SEMA4D: variants seen among roughly 807,000 people sequenced by gnomAD.
SEMA4D encodes semaphorin-4D.
SEMA4D carries 22 observed loss-of-function variants against 74.8 expected under a neutral mutation model. That is an observed-to-expected ratio of 0.29 (90% confidence interval 0.21 to 0.42). The LOEUF is 0.42. SEMA4D is among the 10% of genes least tolerant of loss of function. SEMA4D has a pLI of 1.00. For synonymous variants in SEMA4D, 445 were observed against 463.7 expected (o/e 0.96, Z 0.52); for missense variants, 937 against 1,118.4 (o/e 0.84, Z 2.31).
chr9:89,362,479 C>T lies in SEMA4D; in HGVS notation c.2191-51G>A, dbSNP rs371729869. The stretch of plus-strand genomic sequence containing the variant: ...TCCTTGGTGGAACGGATGGGCCTTT[C>T]CTGCTCTGCAGCCCAGTCTGTCTCA... On this transcript the variant is annotated intron_variant, in intron 18 of 18. Coordinates refer to the SEMA4D transcript ENST00000339861. The T allele has an allele frequency of 2.1e-4, 340 of 1,613,912 alleles. No homozygotes were observed. The African/African-American group carries it at 4.1e-3, about 19-fold the overall frequency.
chr9:89,393,513 C>T (rs778100807), intron 7 of SEMA4D, 49 bp downstream of exon 7: 3 of 1,434,576 alleles, frequency 2.1e-6, no homozygotes, highest in African/African-American at 1.4e-5. Context: ...TGGTAATTAA[C>T]ATGCCACTGT....
intron 9 of SEMA4D, 90 bp from the exon 10 acceptor site, chr9:89,389,137 GCACAGCGCGGCTGTGCCT>G: frequency 7.3e-7 from 1 of 1,368,948 alleles, no homozygotes; most frequent in South Asian, 1.2e-5. Context: ...CCATGGCCCA[GCACAGCGCGGCTGTGCCT>G]GACTGAAACA....
At chr9:89,362,868 A>G (rs1445575069) in intron 18 of SEMA4D, among the ~76,000 whole-genome samples, 2 of 152,190 alleles carry the variant, frequency 1.3e-5, no homozygotes, top group Admixed American at 6.5e-5. Context: ...TGTATCGGCT[A>G]TTTAGGAGCC....
chr9:89,371,213 G>A (rs1312524611), intron 16 of SEMA4D, among the ~76,000 whole-genome samples: 1 of 133,500 alleles, frequency 7.5e-6, no homozygotes, highest in Non-Finnish European at 1.6e-5. Flanking sequence ...GGTGTGGTGT[G>A]TGGGGTGTGG....
rs760465459 is a variant in SEMA4D, at chr9:89,388,950, T to C, written c.872A>G (p.Asn291Ser). 37 of 1,613,866 alleles carry C rather than the reference T, an allele frequency of 2.3e-5. No individual in the cohort carries two copies. Among genetic ancestry groups the C allele is most frequent in the South Asian group, 3.3e-5 (3 of 91,058 alleles). Residue 291 changes from asparagine (N) to serine (S), a missense_variant, in exon 10 of 16, where the codon AAT becomes AGT. By Grantham distance (46) the Asn-to-Ser change is conservative. Transcript: ENST00000422704. ...GAGCACGAAGACATCCCGCAGCACA[T>C]TGAAGACCAAGCCGCTGTCTGGCCG... ...CSRPDSGLVFNVLRDVFVLRS... is the reference protein window; with the variant it reads ...CSRPDSGLVFSVLRDVFVLRS...
At chr9:89,394,062 G>A (rs1290938125) in intron 6 of SEMA4D, among the ~76,000 whole-genome samples, 1 of 152,202 alleles carries the variant, frequency 6.6e-6, no homozygotes. Context: ...AAGCAGCTAG[G>A]TGACCCAATA....
intron 1 of SEMA4D, among the ~76,000 whole-genome samples, chr9:89,465,772 C>T (rs537121927): frequency 1.3e-5 from 2 of 152,328 alleles, no homozygotes; most frequent in Non-Finnish European, 2.9e-5. Context: ...ATTTGCATTG[C>T]CTTCGGATAT....
At chr9:89,396,896 A>G in intron 5 of SEMA4D, 61 bp from the exon 6 acceptor site, 1 of 1,451,984 alleles carries the variant, frequency 6.9e-7, no homozygotes, top group Non-Finnish European at 9.5e-7. Context: ...CCACTATTCA[A>G]ACTGCTCACG....
At chr9:89,464,878 T>C (rs542972174) in intron 1 of SEMA4D, among the ~76,000 whole-genome samples, 1 of 152,356 alleles carries the variant, frequency 6.6e-6, no homozygotes, top group East Asian at 1.9e-4. Context: ...TGCTCTCTGC[T>C]CAGCCCACAG....
At chr9:89,407,757 G>A (rs567798637) in intron 2 of SEMA4D, among the ~76,000 whole-genome samples, 16 of 152,298 alleles carry the variant, frequency 1.1e-4, no homozygotes, top group African/African-American at 3.8e-4. Flanking sequence ...CCACTGCACT[G>A]TCCTGGCTAC....
intron 18 of SEMA4D, among the ~76,000 whole-genome samples, chr9:89,363,199 G>A (rs1832987938): frequency 6.6e-6 from 1 of 152,232 alleles, no homozygotes; most frequent in African/African-American, 2.4e-5. Context: ...CCTCCCTTCA[G>A]TCTCTTTTAA....
At chr9:89,365,808 T>G (rs1833554946) in intron 16 of SEMA4D, among the ~76,000 whole-genome samples, 1 of 152,210 alleles carries the variant, frequency 6.6e-6, no homozygotes, top group Non-Finnish European at 1.5e-5. Context: ...CCAGAGAGCT[T>G]TCCATTTCTG....
At chr9:89,446,728 CAGG>C (rs1295678765) in intron 2 of SEMA4D, among the ~76,000 whole-genome samples, 1 of 152,138 alleles carries the variant, frequency 6.6e-6, no homozygotes, top group East Asian at 1.9e-4. Flanking sequence ...AAGGCAGCAG[CAGG>C]AGGAGACTGA....
intron 9 of SEMA4D, among the ~76,000 whole-genome samples, chr9:89,390,869 G>A (rs1397702804): frequency 6.6e-6 from 1 of 152,292 alleles, no homozygotes; most frequent in Middle Eastern, 3.4e-3. Flanking sequence ...TTTGTGTTTT[G>A]ACAAACTTCT....
chr9:89,409,340 G>A (rs1844011620), intron 2 of SEMA4D, among the ~76,000 whole-genome samples: 1 of 152,146 alleles, frequency 6.6e-6, no homozygotes, highest in Non-Finnish European at 1.5e-5. Flanking sequence ...ACACATGTCA[G>A]TATGCATTTG....
intron 1 of SEMA4D, among the ~76,000 whole-genome samples, chr9:89,496,782 G>A (rs1385360832): frequency 6.6e-6 from 1 of 152,204 alleles, no homozygotes; most frequent in Non-Finnish European, 1.5e-5. Flanking sequence ...CAGCAGGCAG[G>A]CCCCAGGCCT....
At chr9:89,426,087 G>A (rs1166011495) in intron 2 of SEMA4D, among the ~76,000 whole-genome samples, 2 of 152,212 alleles carry the variant, frequency 1.3e-5, no homozygotes, top group African/African-American at 2.4e-5. Flanking sequence ...CCAAGTGTCC[G>A]CAGGGGGAGC....
Position 89,410,276 on chromosome 9 carries a change from C to T in SEMA4D, c.-243-4577G>A, listed in dbSNP as rs533388272. Among the ~76,000 whole-genome samples, 18 of 152,278 alleles carry T rather than the reference C, an allele frequency of 1.2e-4. No individual in the cohort carries two copies. In the South Asian group the frequency reaches 3.7e-3, roughly 32 times the overall value. ...CACACAGATAACAGTAGAATGCACA[C>T]GATACTAGAAAGGAATGAGTTCTGA... On this transcript the variant is annotated intron_variant, in intron 2 of 15. Transcript: ENST00000422704.
chr9:89,379,482 A>C lies in SEMA4D; in HGVS notation c.1811T>G (p.Met604Arg). Residue 604 changes from methionine to arginine, a missense_variant, in exon 16 of 16, where the codon ATG (methionine) becomes AGG (arginine). Transcript: ENST00000422704. Reference sequence around the variant, plus strand: ...GAAGATGAGCAAGTTTTTTCTGCCCATAAGACCGTACTTGGGGCTCTCGGC... The same window carrying C: ...GAAGATGAGCAAGTTTTTTCTGCCCCTAAGACCGTACTTGGGGCTCTCGGC... ...LKAESPKYGL[M>R]GRKNLLIFNL... is the part of the protein sequence containing the mutation. 1 of 1,614,176 alleles carries C rather than the reference A, an allele frequency of 6.2e-7. No homozygotes were observed. The highest frequency in any genetic ancestry group is 8.5e-7 in the Non-Finnish European group (1 of 1,180,030).
Sources: gnomAD v4.1 joint callset for allele counts (sites outside exome capture counted in the v4.1 genomes callset) on GRCh38, gnomAD v4.1.1 for gene constraint, MANE v1.5 for transcripts, NCBI Gene and HGNC (gene_info 2026-07-23, HGNC 2026-07-21) for gene names.